Variants in DRAM1 observed in about 807,000 individuals in gnomAD.
DRAM1 encodes DNA damage-regulated autophagy modulator protein 1.
DRAM1 carries 25 observed loss-of-function variants against 28.5 expected under a neutral mutation model. The observed-to-expected ratio is 0.88, with a 90% confidence interval of 0.64 to 1.23. The LOEUF is 1.23. DRAM1 is among the 50% of genes most tolerant of loss of function. The pLI, the probability that DRAM1 is intolerant of heterozygous loss-of-function variation, is 0.00. For missense variants in DRAM1, 249 were observed against 299.2 expected (o/e 0.83, Z 1.24); for synonymous variants, 113 against 114.2 (o/e 0.99, Z 0.07).
Position 101,922,656 on chromosome 12 carries a change from C to T in DRAM1, c.*1396C>T, listed in dbSNP as rs1275005842. 2 of 152,192 alleles carry T rather than the reference C, an allele frequency of 1.3e-5. No homozygotes were observed. The highest frequency in any genetic ancestry group is 1.9e-4 in the East Asian group (1 of 5,204). 9.4% of individuals were successfully genotyped at this position (152,192 alleles called of 1,614,324 possible). On this transcript the variant is annotated 3_prime_UTR_variant, in exon 7 of 7. Transcript: ENST00000258534. The stretch of plus-strand genomic sequence containing the variant: ...ATTAGAACATGTCCGACACCCCTAC[C>T]GCTGCCATTTGGGCCCTTTAATAAA...
At chr12:101,906,872 A>AG (rs1216396728) in intron 3 of DRAM1, among the ~76,000 whole-genome samples, 1 of 144,894 alleles carries the variant, frequency 6.9e-6, no homozygotes, top group Non-Finnish European at 1.5e-5. Context: ...AAAAAAAAAA[A>AG]AGAAAAGAAA....
chr12:101,894,825 T>G (rs1407759166), intron 1 of DRAM1, among the ~76,000 whole-genome samples: 2 of 152,194 alleles, frequency 1.3e-5, no homozygotes, highest in African/African-American at 4.8e-5. Flanking sequence ...GCAAACAACC[T>G]TCTTCCCAGC....
intron 1 of DRAM1, among the ~76,000 whole-genome samples, chr12:101,890,654 A>G (rs1344170293): frequency 2.0e-5 from 3 of 152,184 alleles, no homozygotes; most frequent in South Asian, 2.1e-4. Context: ...GCTTGTGGGT[A>G]GTGAGAAAAG....
At chr12:101,884,754 GA>G (rs1468076982) in intron 1 of DRAM1, among the ~76,000 whole-genome samples, 1 of 152,178 alleles carries the variant, frequency 6.6e-6, no homozygotes, top group Non-Finnish European at 1.5e-5. Flanking sequence ...ACTTTAAAAG[GA>G]GGAACAAAAT....
intron 3 of DRAM1, among the ~76,000 whole-genome samples, chr12:101,905,580 T>G (rs1873772164): frequency 6.6e-6 from 1 of 151,598 alleles, no homozygotes. Context: ...CTGTGCCCAG[T>G]CTTTTATTTA....
intron 5 of DRAM1, among the ~76,000 whole-genome samples, chr12:101,918,441 TCTGTTCTGTATCTCCTA>T (rs1459855342): frequency 3.3e-5 from 5 of 152,184 alleles, no homozygotes; most frequent in Admixed American, 6.5e-5. Flanking sequence ...GGAGGAAGCC[TCTGTTCTGTATCTCCTA>T]CTGTAGGCTG....
chr12:101,896,849 G>A (rs911327831), intron 1 of DRAM1, among the ~76,000 whole-genome samples: 2 of 151,440 alleles, frequency 1.3e-5, no homozygotes, highest in Non-Finnish European at 2.9e-5. Flanking sequence ...GTGCAATGGT[G>A]TGATCTCGGC....
At chr12:101,919,945 C>T in intron 5 of DRAM1, 164 bp from the exon 6 acceptor site, 1 of 421,682 alleles carries the variant, frequency 2.4e-6, no homozygotes, top group Non-Finnish European at 4.2e-6. Flanking sequence ...GGGCAGGTGC[C>T]CTGACACTTA....
chr12:101,920,485 A>G (rs1204019487), intron 6 of DRAM1, among the ~76,000 whole-genome samples: 1 of 152,198 alleles, frequency 6.6e-6, no homozygotes, highest in African/African-American at 2.4e-5. Flanking sequence ...GGCATCTTTA[A>G]TAGCTCTCCC....
intron 4 of DRAM1, 150 bp downstream of exon 4, chr12:101,908,513 G>A (rs757174708): frequency 2.6e-6 from 2 of 773,164 alleles, no homozygotes; most frequent in Non-Finnish European, 4.1e-6. Context: ...TACAGCATTG[G>A]CAAGTGCGAA....
At position 101,901,378 on chromosome 12, in the gene DRAM1, C is replaced by T; in HGVS notation, c.287C>T (p.Ser96Phe). ...AGCACTCCTGTTTTTAACTTGGTGT[C>T]TTTAGTGCTTGGATTGGTGGGATGT... The part of the protein sequence containing the change: ...YFSTPVFNLV[S>F]LVLGLVGCFG... The change falls in exon 3 of 7, where the codon TCT becomes TTT. Residue 96 changes from serine (S) to phenylalanine (F), a missense_variant. Coordinates refer to ENST00000258534, the MANE Select transcript of DRAM1 (RefSeq NM_018370.3). 1 of 1,614,028 alleles carries T rather than the reference C, an allele frequency of 6.2e-7. No homozygotes were observed. The highest frequency in any genetic ancestry group is 8.5e-7 in the Non-Finnish European group (1 of 1,180,022).
At chr12:101,878,005 G>T in intron 1 of DRAM1, 85 bp downstream of exon 1, 1 of 1,351,284 alleles carries the variant, frequency 7.4e-7, no homozygotes, top group South Asian at 1.7e-5. Flanking sequence ...AAGGCGTCCG[G>T]ACCCAGCTTG....
intron 1 of DRAM1, among the ~76,000 whole-genome samples, chr12:101,881,906 A>G (rs1203405702): frequency 6.6e-6 from 1 of 152,152 alleles, no homozygotes; most frequent in African/African-American, 2.4e-5. Flanking sequence ...TGTAAGGTCC[A>G]TGAAAGCTCT....
chr12:101,890,303 C>T (rs1873063134), intron 1 of DRAM1: 2 of 282,408 alleles, frequency 7.1e-6, no homozygotes. Context: ...TGCTATCAAA[C>T]TCCTGACCTC....
chr12:101,910,793 A>G (rs1874015351), intron 4 of DRAM1, among the ~76,000 whole-genome samples: 1 of 151,950 alleles, frequency 6.6e-6, no homozygotes, highest in Admixed American at 6.6e-5. Context: ...GGAAGTTCTT[A>G]TTATAAGTCA....
intron 1 of DRAM1, among the ~76,000 whole-genome samples, chr12:101,892,325 T>A (rs1245206765): frequency 6.6e-6 from 1 of 151,752 alleles, no homozygotes; most frequent in Non-Finnish European, 1.5e-5. Flanking sequence ...AACCTCCACC[T>A]CCTGGGTTCA....
chr12:101,914,674 C>T (rs6539021), intron 5 of DRAM1, among the ~76,000 whole-genome samples: 10,874 of 151,748 alleles, frequency 0.072, 467 homozygotes, highest in East Asian at 0.2. Flanking sequence ...TTGTTCTTTT[C>T]TGAGACAGAG....
chr12:101,912,548 C>T (rs986727656), intron 4 of DRAM1, among the ~76,000 whole-genome samples: 2 of 152,094 alleles, frequency 1.3e-5, no homozygotes, highest in African/African-American at 4.8e-5. Context: ...AATTAAGAGG[C>T]TTTTAAACTA....
chr12:101,909,761 C>T (rs191728025), intron 4 of DRAM1, among the ~76,000 whole-genome samples: 7 of 152,186 alleles, frequency 4.6e-5, no homozygotes, highest in Admixed American at 1.3e-4. Flanking sequence ...TTAGAGGAAA[C>T]GAAAGCTTTT....
Sources: gnomAD v4.1 joint callset for allele counts (sites outside exome capture counted in the v4.1 genomes callset) on GRCh38, gnomAD v4.1.1 for gene constraint, MANE v1.5 for transcripts, NCBI Gene and HGNC (gene_info 2026-07-23, HGNC 2026-07-21) for gene names.